Variants in CYP7B1 observed in about 807,000 individuals in gnomAD.
CYP7B1 encodes cytochrome P450 7B1.
A neutral mutation model predicts 42.7 loss-of-function variants in CYP7B1; 29 were observed. The observed-to-expected ratio is 0.68, with a 90% confidence interval of 0.51 to 0.93. The LOEUF (loss-of-function observed/expected upper bound fraction) is 0.93, where lower values mean the gene tolerates loss of function less well. Ranked by LOEUF, CYP7B1 falls within the 40% of genes least tolerant of loss-of-function variation. The pLI, the probability that CYP7B1 is intolerant of heterozygous loss-of-function variation, is 0.00. For missense variants in CYP7B1, 655 were observed against 600.5 expected, an observed-to-expected ratio of 1.09 and a Z score of -0.95; for synonymous variants, 235 against 218.2, an observed-to-expected ratio of 1.08 and a Z score of -0.68.
intron 1 of CYP7B1, among the ~76,000 whole-genome samples, chr8:64,676,015 C>T (rs974998684): frequency 2.0e-5 from 3 of 152,062 alleles, no homozygotes; most frequent in East Asian, 3.8e-4. Flanking sequence ...CTCCCCAGTC[C>T]GGACAGAGTG....
At chr8:64,681,851 A>G (rs1457561808) in intron 1 of CYP7B1, among the ~76,000 whole-genome samples, 1 of 152,120 alleles carries the variant, frequency 6.6e-6, no homozygotes, top group African/African-American at 2.4e-5. Flanking sequence ...GAGATAATAA[A>G]TGTTTGTTGT....
intron 1 of CYP7B1, among the ~76,000 whole-genome samples, chr8:64,693,587 AAAG>A (rs1344250680): frequency 6.6e-6 from 1 of 152,214 alleles, no homozygotes; most frequent in Non-Finnish European, 1.5e-5. Flanking sequence ...TTACCTTTCA[AAAG>A]AAGTACAAAA....
chr8:64,684,191 C>T (rs1806585228), intron 1 of CYP7B1, among the ~76,000 whole-genome samples: 1 of 152,208 alleles, frequency 6.6e-6, no homozygotes, highest in Admixed American at 6.5e-5. Flanking sequence ...GTTGGGTTTA[C>T]ACACTCCTCA....
intron 1 of CYP7B1, among the ~76,000 whole-genome samples, chr8:64,778,908 A>G (rs1804370820): frequency 1.3e-5 from 2 of 152,122 alleles, no homozygotes; most frequent in South Asian, 4.1e-4. Flanking sequence ...AATGGGATAG[A>G]GCAAAAAAGG....
At chr8:64,707,319 T>C (rs369521182) in intron 1 of CYP7B1, among the ~76,000 whole-genome samples, 1 of 152,228 alleles carries the variant, frequency 6.6e-6, no homozygotes, top group Non-Finnish European at 1.5e-5. Flanking sequence ...CCCTGATAAG[T>C]GGCCAGGCAA....
intron 1 of CYP7B1, among the ~76,000 whole-genome samples, chr8:64,648,821 A>G (rs13282866): frequency 0.71 from 107,972 of 152,010 alleles, 38,404 homozygotes; most frequent in Middle Eastern, 0.75. Context: ...GAAGAGTCAG[A>G]TAATTCTCCA....
At chr8:64,631,275 G>A (rs553707370) in intron 1 of CYP7B1, among the ~76,000 whole-genome samples, 1 of 152,148 alleles carries the variant, frequency 6.6e-6, no homozygotes, top group Admixed American at 6.5e-5. Context: ...ATGCAAGGCT[G>A]GTTCAACATT....
At chr8:64,782,310 G>C (rs1260939480) in intron 1 of CYP7B1, among the ~76,000 whole-genome samples, 1 of 152,156 alleles carries the variant, frequency 6.6e-6, no homozygotes, top group Admixed American at 6.5e-5. Flanking sequence ...GCCTTGGGAG[G>C]TGTTTAAGTC....
intron 1 of CYP7B1, among the ~76,000 whole-genome samples, chr8:64,733,626 C>T (rs1188450164): frequency 6.6e-6 from 1 of 152,132 alleles, no homozygotes; most frequent in Non-Finnish European, 1.5e-5. Context: ...ACAGGCTTGG[C>T]ATTTTTGGAA....
downstream of CYP7B1, among the ~76,000 whole-genome samples, chr8:64,589,268 C>T (rs927229717): frequency 2.0e-5 from 3 of 152,178 alleles, no homozygotes; most frequent in African/African-American, 7.2e-5. Flanking sequence ...AGTTCTAGGA[C>T]CACTCCTTAA....
At chr8:64,597,013 C>T (rs1805129676) in intron 5 of CYP7B1, 84 bp from the exon 6 acceptor site, 3 of 1,256,622 alleles carry the variant, frequency 2.4e-6, no homozygotes, top group African/African-American at 1.5e-5. Flanking sequence ...CTCTCTCTGC[C>T]TGTCTTAAAA....
Position 64,615,793 on chromosome 8 carries a change from A to G in CYP7B1, c.748T>C (p.Ser250Pro). The G allele has an allele frequency of 1.9e-6, 3 of 1,613,782 alleles. No homozygotes were observed. The highest frequency in any genetic ancestry group is 2.5e-6 in the Non-Finnish European group (3 of 1,179,778). The change falls in exon 3 of 6, where the codon TCA (serine) becomes CCA (proline). Residue 250 changes from serine (S) to proline (P), a missense_variant. Physicochemically the swap from Ser to Pro is moderately conservative, Grantham distance 74. Transcript: ENST00000310193. ...TGCATCTTGGCTAACTTTTCTGATG[A>G]GAAGCATTTTATAATTTTCTCTCTA... ...SIREKIIKCF[S>P]SEKLAKMQGW... is the part of the protein sequence containing the mutation.
intron 1 of CYP7B1, among the ~76,000 whole-genome samples, chr8:64,647,313 T>C (rs1805968964): frequency 6.6e-6 from 1 of 151,884 alleles, no homozygotes; most frequent in African/African-American, 2.4e-5. Context: ...ATAATAATAA[T>C]GAAAAAGTTT....
intron 1 of CYP7B1, among the ~76,000 whole-genome samples, chr8:64,691,393 C>A (rs1806739366): frequency 7.1e-6 from 1 of 141,824 alleles, no homozygotes; most frequent in African/African-American, 2.5e-5. Flanking sequence ...ATACAGGTTG[C>A]CAGAAAAGCA....
intron 1 of CYP7B1, among the ~76,000 whole-genome samples, chr8:64,769,229 A>C (rs1359466512): frequency 6.6e-6 from 1 of 152,208 alleles, no homozygotes; most frequent in African/African-American, 2.4e-5. Flanking sequence ...ATGGAACGGG[A>C]TGGCACCATG....
intron 1 of CYP7B1, among the ~76,000 whole-genome samples, chr8:64,637,689 G>T (rs1805793476): frequency 6.6e-6 from 1 of 152,140 alleles, no homozygotes; most frequent in South Asian, 2.1e-4. Context: ...AGTGTCCTTT[G>T]CTTAGGCTAC....
intron 1 of CYP7B1, among the ~76,000 whole-genome samples, chr8:64,639,341 T>C (rs1476893898): frequency 1.3e-5 from 2 of 152,054 alleles, no homozygotes; most frequent in African/African-American, 4.8e-5. Context: ...TGTATATATA[T>C]TGAAATATAT....
chr8:64,634,578 CAAAAAAGAAAAAAAA>C (rs956722348), intron 1 of CYP7B1, among the ~76,000 whole-genome samples: 3 of 115,712 alleles, frequency 2.6e-5, no homozygotes, highest in African/African-American at 6.5e-5. Context: ...GACTCCATCT[CAAAAAAGAAAAAAAA>C]AAAAAAGAAA....
intron 1 of CYP7B1, among the ~76,000 whole-genome samples, chr8:64,722,582 T>A (rs2129632898): frequency 6.6e-6 from 1 of 152,202 alleles, no homozygotes; most frequent in Middle Eastern, 3.4e-3. Context: ...CAGTAGTTTT[T>A]TGCTTACATG....
Sources: allele counts gnomAD v4.1 joint callset (sites outside exome capture counted in the v4.1 genomes callset), GRCh38; gene constraint gnomAD v4.1.1; transcripts MANE v1.5; gene names NCBI Gene and HGNC (gene_info 2026-07-23, HGNC 2026-07-21).